Variants in TCF12 observed in about 807,000 individuals in gnomAD.
The protein encoded by TCF12 is DNA-binding protein HTF4.
In TCF12, 45 loss-of-function variants were observed where a neutral mutation model predicts 86.0. That is an observed-to-expected ratio of 0.52 (90% CI 0.41 to 0.67). TCF12 has a LOEUF of 0.67. Among genes scored for constraint, TCF12 ranks in the 30% least tolerant of loss-of-function variants. The probability of loss-of-function intolerance (pLI) is 0.00; values close to 1 mark genes in which losing one functional copy is unlikely to be tolerated. For synonymous variants in TCF12, 330 were observed against 299.6 expected (o/e 1.10, Z -1.05); for missense variants, 881 against 859.9 (o/e 1.02, Z -0.31).
intron 3 of TCF12, among the ~76,000 whole-genome samples, chr15:57,052,040 A>G (rs1366023311): frequency 1.3e-5 from 2 of 152,210 alleles, no homozygotes; most frequent in East Asian, 3.8e-4. Flanking sequence ...TTTAATTACT[A>G]GAGCTTTGTA....
intron 3 of TCF12, among the ~76,000 whole-genome samples, chr15:56,940,583 T>TCTCCTC (rs796972933): frequency 6.3e-5 from 9 of 143,632 alleles, no homozygotes; most frequent in African/African-American, 2.1e-4. Context: ...TTCTTCTCCT[T>TCTCCTC]CTCCTCCTCC....
intron 12 of TCF12, among the ~76,000 whole-genome samples, chr15:57,235,762 T>C (rs1381869394): frequency 6.6e-6 from 1 of 152,204 alleles, no homozygotes; most frequent in Non-Finnish European, 1.5e-5. Context: ...TTTTTAAAAT[T>C]TAACCTGCAT....
At chr15:57,279,668 TC>T (rs2061589149) in intron 19 of TCF12, among the ~76,000 whole-genome samples, 1 of 152,226 alleles carries the variant, frequency 6.6e-6, no homozygotes, top group South Asian at 2.1e-4. Context: ...TTGGTGCTGA[TC>T]CTTCCAAGCA....
intron 5 of TCF12, among the ~76,000 whole-genome samples, chr15:57,158,406 C>T (rs2054274309): frequency 6.6e-6 from 1 of 152,000 alleles, no homozygotes; most frequent in African/African-American, 2.4e-5. Flanking sequence ...TCTCGAACTC[C>T]TGGGCTCAAG....
At chr15:57,059,662 T>C (rs1772924314) in intron 3 of TCF12, among the ~76,000 whole-genome samples, 1 of 150,638 alleles carries the variant, frequency 6.6e-6, no homozygotes, top group Non-Finnish European at 1.5e-5. Context: ...TCTCACCAAT[T>C]CTTTAATGAT....
chr15:57,255,081 A>G (rs951542693), intron 16 of TCF12, among the ~76,000 whole-genome samples: 2 of 152,144 alleles, frequency 1.3e-5, no homozygotes, highest in Non-Finnish European at 2.9e-5. Flanking sequence ...CAGCAGCAAC[A>G]TTTGCAGTTC....
chr15:56,926,793 T>G lies in TCF12; in HGVS notation c.148+5695T>G, dbSNP rs950483200. Among the ~76,000 whole-genome samples the G allele has an allele frequency of 8.5e-4, 129 of 152,268 alleles. 1 individual carries two copies. Among genetic ancestry groups the G allele is most frequent in the Admixed American group, 8.4e-3 (128 of 15,292 alleles). ...TCCTTTACTTGTCTGCTTCTGTTTC[T>G]TAATCTATAAAACAGGACTAATAAT... On this transcript the variant is annotated intron_variant, in intron 3 of 20. Transcript: ENST00000333725.
chr15:57,181,705 G>GT (rs1336352566), intron 6 of TCF12, among the ~76,000 whole-genome samples: 1 of 152,144 alleles, frequency 6.6e-6, no homozygotes, highest in Non-Finnish European at 1.5e-5. Context: ...TAAAATACAT[G>GT]TATCACATAG....
chr15:57,124,310 C>G (rs2051469808), intron 5 of TCF12, among the ~76,000 whole-genome samples: 1 of 152,188 alleles, frequency 6.6e-6, no homozygotes, highest in East Asian at 1.9e-4. Flanking sequence ...TTCAGCAAAA[C>G]ATTGATGTGA....
At chr15:57,062,106 G>A (rs916339239) in intron 3 of TCF12, among the ~76,000 whole-genome samples, 4 of 151,938 alleles carry the variant, frequency 2.6e-5, no homozygotes, top group Admixed American at 1.3e-4. Context: ...ACAGGCGCCC[G>A]CCACCACACC....
chr15:57,011,870 A>G (rs1172976015), intron 3 of TCF12, among the ~76,000 whole-genome samples: 3 of 152,314 alleles, frequency 2.0e-5, no homozygotes, highest in African/African-American at 7.2e-5. Context: ...GGCTTGTAAG[A>G]GAAGTGATTA....
intron 5 of TCF12, among the ~76,000 whole-genome samples, chr15:57,157,297 A>G (rs1218523358): frequency 1.3e-5 from 2 of 151,978 alleles, no homozygotes; most frequent in Non-Finnish European, 2.9e-5. Flanking sequence ...CCTGAAAAAC[A>G]GCTCCCCTAG....
At chr15:57,278,032 T>C (rs1283838828) in intron 19 of TCF12, among the ~76,000 whole-genome samples, 1 of 152,104 alleles carries the variant, frequency 6.6e-6, no homozygotes, top group South Asian at 2.1e-4. Context: ...AGGGTTTCAC[T>C]GTATTGCCCA....
At chr15:57,050,386 A>G (rs1236195852) in intron 3 of TCF12, among the ~76,000 whole-genome samples, 1 of 152,134 alleles carries the variant, frequency 6.6e-6, no homozygotes, top group Non-Finnish European at 1.5e-5. Flanking sequence ...TTCATGCTTA[A>G]AGGATGTCAT....
At chr15:56,971,945 G>A (rs2062356140) in intron 3 of TCF12, among the ~76,000 whole-genome samples, 1 of 152,170 alleles carries the variant, frequency 6.6e-6, no homozygotes, top group Admixed American at 6.5e-5. Context: ...GGGATATGGG[G>A]TTTTTGGAGG....
chr15:56,948,325 T>C (rs116341737), intron 3 of TCF12, among the ~76,000 whole-genome samples: 4,461 of 152,252 alleles, frequency 0.029, 186 homozygotes, highest in African/African-American at 0.09. Context: ...CTAAAGTCCA[T>C]GCTTTGAGTC....
chr15:57,254,030 C>T (rs144855016), intron 16 of TCF12, among the ~76,000 whole-genome samples: 1,913 of 152,154 alleles, frequency 0.013, 17 homozygotes, highest in Non-Finnish European at 0.021. Context: ...AGGGGGTGTT[C>T]GTTCTACAGC....
At chr15:56,976,969 C>T (rs2062636202) in intron 3 of TCF12, among the ~76,000 whole-genome samples, 1 of 151,994 alleles carries the variant, frequency 6.6e-6, no homozygotes, top group African/African-American at 2.4e-5. Flanking sequence ...TCCTCATTTG[C>T]ACTAGCCACA....
intron 3 of TCF12, among the ~76,000 whole-genome samples, chr15:56,922,318 A>C (rs767677362): frequency 8.6e-5 from 13 of 152,010 alleles, no homozygotes; most frequent in Non-Finnish European, 1.5e-4. Context: ...ACTGTTGCCT[A>C]CTGTTCCAGC....
Sources: allele counts gnomAD v4.1 joint callset (sites outside exome capture counted in the v4.1 genomes callset), GRCh38; gene constraint gnomAD v4.1.1; transcripts MANE v1.5; gene names NCBI Gene and HGNC (gene_info 2026-07-23, HGNC 2026-07-21).